Variants in OR8H1 observed in about 807,000 individuals in gnomAD.
OR8H1 encodes the protein olfactory receptor family 8 subfamily H member 1.
For synonymous variants in OR8H1, 135 were observed against 134.5 expected (o/e 1.00, Z -0.03); for missense variants, 388 against 374.1 (o/e 1.04, Z -0.31).
In OR8H1 at chr11:56,290,091, G is replaced by T. The variant is rs753365115; in HGVS notation, c.*36C>A. ...CATACCAAATAGAAAAGAAAGAAAA[G>T]ATGAGTTTAAATGTTCAGCATTCCT... On this transcript the variant is annotated 3_prime_UTR_variant, in exon 2 of 2. Transcript: ENST00000641600. 6.1e-6 allele frequency: 9 copies of T among 1,477,042 alleles called. No homozygotes were observed. The South Asian group carries it at 9.1e-5, about 15-fold the overall frequency. The allele number at this position is 1,477,042 out of a possible 1,614,324, so 91.5% of individuals were successfully genotyped here. A position where few individuals can be genotyped will look rare whatever the true frequency, so the allele number is the denominator to read the frequency against.
chr11:56,291,377 A>T (rs1854150363), intron 1 of OR8H1, among the ~76,000 whole-genome samples: 1 of 152,174 alleles, frequency 6.6e-6, no homozygotes, highest in Admixed American at 6.5e-5. Flanking sequence ...AGATACTACT[A>T]TTATCGACAT....
Position 56,290,709 on chromosome 11 carries a change from G to C in OR8H1, c.354C>G (p.Ala118=). 6.2e-7 allele frequency: 1 copy of C among 1,614,070 alleles called. No homozygotes were observed. The stretch of plus-strand genomic sequence containing the variant: ...TGCAGATAGCTACGTAGCGATCATA[G>C]GCCATTGATGAGAGAAGAAAACATT... ...AAECFLLSSM[A]YDRYVAICSP... The change falls in exon 2 of 2, where the codon GCC becomes GCG. Residue 118 remains alanine (A), a synonymous_variant. Transcript: ENST00000641600.
Position 56,290,015 on chromosome 11 carries a change from A to G in OR8H1, c.*112T>C. ...GTTTAGTCAAGCAAAGGTTAGCACAACAGAAATGCAAACATGAAGGATTCA... is the reference window on the plus strand; with the variant it reads ...GTTTAGTCAAGCAAAGGTTAGCACAGCAGAAATGCAAACATGAAGGATTCA... On this transcript the variant is annotated 3_prime_UTR_variant, in exon 2 of 2. Transcript: ENST00000641600. 1.1e-6 allele frequency: 1 copy of G among 914,260 alleles called. No homozygotes were observed. The highest frequency in any genetic ancestry group is 2.4e-5 in the East Asian group (1 of 41,786). The allele number at this position is 914,260 out of a possible 1,614,324, so 56.6% of individuals were successfully genotyped here.
At position 56,288,743 on chromosome 11, in the gene OR8H1, CAGAA is replaced by C. The variant is rs945484516; in HGVS notation, c.*1380_*1383del. 1.3e-5 allele frequency: 2 copies of C among 151,998 alleles called. No homozygotes were observed. Among genetic ancestry groups the C allele is most frequent in the African/African-American group, 4.8e-5 (2 of 41,406 alleles). 9.4% of individuals were successfully genotyped at this position (151,998 alleles called of 1,614,324 possible). A position where few individuals can be genotyped will look rare whatever the true frequency, so the allele number is the denominator to read the frequency against. On this transcript the variant is annotated 3_prime_UTR_variant, in exon 2 of 2. Coordinates refer to ENST00000641600, the MANE Select transcript of OR8H1 (RefSeq NM_001005199.2). ...ATACAGAAAGCTGAAAATCAGTACA[CAGAA>C]AGTGATATTTAGTTTACATATGTTA...
At position 56,289,229 on chromosome 11, in the gene OR8H1, C is replaced by G. The variant is rs1157909703; in HGVS notation, c.*898G>C. The G allele has an allele frequency of 1.3e-5, 2 of 152,150 alleles. No homozygotes were observed. Among genetic ancestry groups the G allele is most frequent in the African/African-American group, 4.8e-5 (2 of 41,454 alleles). The allele number at this position is 152,150 out of a possible 1,614,324, so 9.4% of individuals were successfully genotyped here. ...ACCTTAAATACTTTACAGCTACTCT[C>G]TGATCAAATTTGGAGTTATTATTTA... is the stretch of plus-strand genomic sequence containing the variant. On this transcript the variant is annotated 3_prime_UTR_variant, in exon 2 of 2. Coordinates refer to ENST00000641600, the MANE Select transcript of OR8H1 (RefSeq NM_001005199.2).
chr11:56,290,558 C>G lies in OR8H1; in HGVS notation c.505G>C (p.Asp169His), dbSNP rs778875412. The G allele has an allele frequency of 7.1e-5, 115 of 1,613,994 alleles. No individual in the cohort carries two copies. The highest frequency in any genetic ancestry group is 3.3e-4 in the Admixed American group (20 of 59,996). ...AAAAAGTGACGAACTACATTTGAGT[C>G]GCAGAAATGCAGTCTGCTCATCCAA... ...VVWMSRLHFC[D>H]SNVVRHFFCD... The change falls in exon 2 of 2, where the codon GAC becomes CAC. Residue 169 changes from aspartate to histidine, a missense_variant. Physicochemically the swap from Asp to His is moderately conservative, Grantham distance 81. Coordinates refer to ENST00000641600, the MANE Select transcript of OR8H1 (RefSeq NM_001005199.2).
rs1854121992 is a variant in OR8H1 at position 56,290,178 on chromosome 11, T to G, written c.885A>C (p.Glu295Asp). The part of the protein sequence containing the change: ...NPLIYSLRNK[E>D]VKNALIRVMQ... ...TGACTCTAATGAGAGCATTTTTAAC[T>G]TCTTTGTTTCTAAGACTATAAATGA... is the stretch of plus-strand genomic sequence containing the variant. Residue 295 changes from glutamate to aspartate, a missense_variant, in exon 2 of 2, where the codon GAA becomes GAC. Transcript: ENST00000641600. The G allele has an allele frequency of 1.2e-6, 2 of 1,608,720 alleles. No individual in the cohort carries two copies. Among genetic ancestry groups the G allele is most frequent in the Non-Finnish European group, 1.7e-6 (2 of 1,178,474 alleles).
rs749122545 is a variant in OR8H1 at position 56,290,466 on chromosome 11, G to A, written c.597C>T (p.His199=). ...CCATCAGGGTGGAACCAGCTAAAAT[G>A]TGTATCATGATTTCAATGTCGTATG... ...MDTYDIEIMI[H]ILAGSTLMVS... is the part of the protein sequence containing the mutation. The change falls in exon 2 of 2, where the codon CAC becomes CAT. Residue 199 remains histidine, a synonymous_variant. Coordinates refer to ENST00000641600, the MANE Select transcript of OR8H1 (RefSeq NM_001005199.2). The A allele has an allele frequency of 5.0e-6, 8 of 1,614,048 alleles. 1 individual carries two copies. Among genetic ancestry groups the A allele is most frequent in the African/African-American group, 1.3e-5 (1 of 74,928 alleles).
rs1450667781 is a variant in OR8H1 at position 56,288,982 on chromosome 11, A to G, written c.*1145T>C. 6.6e-6 allele frequency: 1 copy of G among 152,118 alleles called. No individual in the cohort carries two copies. Among genetic ancestry groups the G allele is most frequent in the Non-Finnish European group, 1.5e-5 (1 of 67,972 alleles). The allele number at this position is 152,118 out of a possible 1,614,324, so 9.4% of individuals were successfully genotyped here. On this transcript the variant is annotated 3_prime_UTR_variant, in exon 2 of 2. Transcript: ENST00000641600. ...TTTTTCAAATTTTCTCTAACAATAT[A>G]TGCTATTTTATTATAACTTAATTTT...
At position 56,291,057 on chromosome 11, in the gene OR8H1, A is replaced by C; in HGVS notation, c.6T>G (p.Gly2=). 3 of 1,581,648 alleles carry C rather than the reference A, an allele frequency of 1.9e-6. No homozygotes were observed. The highest frequency in any genetic ancestry group is 2.6e-6 in the Non-Finnish European group (3 of 1,165,932). Residue 2 remains glycine (G), a synonymous_variant, in exon 2 of 2, where the codon GGT becomes GGG. Coordinates refer to ENST00000641600, the MANE Select transcript of OR8H1 (RefSeq NM_001005199.2). ...CAGGCACATTTGTGTTATTTCTTCT[A>C]CCCATGATGTTCAATTGCTTTAAAC... is the stretch of plus-strand genomic sequence containing the variant. M[G]RRNNTNVPDF...
At position 56,291,009 on chromosome 11, in the gene OR8H1, T is replaced by TGA. The variant is rs1163534112; in HGVS notation, c.52_53dup (p.Asp19GlnfsTer16). 1 of 1,613,308 alleles carries TGA rather than the reference T, an allele frequency of 6.2e-7. No individual in the cohort carries two copies. Among genetic ancestry groups the TGA allele is most frequent in the African/African-American group, 1.3e-5 (1 of 74,878 alleles). ...GGGCCATCTGGACCTCTTCAGAATCTGACAGTCCCGTAAGGATGAAGTCAG... is the reference window on the plus strand; with the variant it reads ...GGGCCATCTGGACCTCTTCAGAATCTGAGACAGTCCCGTAAGGATGAAGTCAG... On this transcript the variant is annotated frameshift_variant, in exon 2 of 2. Transcript: ENST00000641600. LOFTEE classifies it low-confidence loss of function (END_TRUNC).
At position 56,290,419 on chromosome 11, in the gene OR8H1, G is replaced by A; in HGVS notation, c.644C>T (p.Ala215Val). ...TLMVSLITISASYVSILSTIL... is the reference protein window; with the variant it reads ...TLMVSLITISVSYVSILSTIL... Reference sequence around the variant, plus strand: ...GGTAGAGAGAATGGACACATAGGATGCAGATATTGTGATAAGGGACACCAT... The same window carrying A: ...GGTAGAGAGAATGGACACATAGGATACAGATATTGTGATAAGGGACACCAT... The change falls in exon 2 of 2, where the codon GCA (alanine) becomes GTA (valine). Residue 215 changes from alanine to valine, a missense_variant. Transcript: ENST00000641600. The A allele has an allele frequency of 6.2e-7, 1 of 1,614,208 alleles. No homozygotes were observed. The highest frequency in any genetic ancestry group is 8.5e-7 in the Non-Finnish European group (1 of 1,180,024).
At chr11:56,291,320 G>T (rs1854149892) in intron 1 of OR8H1, among the ~76,000 whole-genome samples, 1 of 152,102 alleles carries the variant, frequency 6.6e-6, no homozygotes, top group African/African-American at 2.4e-5. Flanking sequence ...TGTTCTGAAT[G>T]CCTTCCTTTA....
chr11:56,291,767 A>G (rs1489134999), intron 1 of OR8H1, among the ~76,000 whole-genome samples, 184 bp downstream of exon 1: 4 of 152,188 alleles, frequency 2.6e-5, no homozygotes, highest in Non-Finnish European at 5.9e-5. Flanking sequence ...TCCAAAAATT[A>G]TATGATCAAA....
chr11:56,291,189 C>CA, intron 1 of OR8H1, 105 bp from the exon 2 acceptor site: 1 of 679,308 alleles, frequency 1.5e-6, no homozygotes, highest in Non-Finnish European at 2.4e-6. Flanking sequence ...ATTGCTAATA[C>CA]ATTTATAGAA....
Position 56,290,023 on chromosome 11 carries a change from G to A in OR8H1, c.*104C>T, listed in dbSNP as rs769014231. On this transcript the variant is annotated 3_prime_UTR_variant, in exon 2 of 2. Coordinates refer to ENST00000641600, the MANE Select transcript of OR8H1 (RefSeq NM_001005199.2). ...AAGCAAAGGTTAGCACAACAGAAAT[G>A]CAAACATGAAGGATTCAATTGTTTT... is the stretch of plus-strand genomic sequence containing the variant. 1.1e-6 allele frequency: 1 copy of A among 950,866 alleles called. No individual in the cohort carries two copies. Among genetic ancestry groups the A allele is most frequent in the East Asian group, 2.4e-5 (1 of 41,938 alleles). 58.9% of individuals were successfully genotyped at this position (950,866 alleles called of 1,614,324 possible). A position where few individuals can be genotyped will look rare whatever the true frequency, so the allele number is the denominator to read the frequency against.
chr11:56,290,549 C>T lies in OR8H1; in HGVS notation c.514G>A (p.Val172Ile). Residue 172 changes from valine (V) to isoleucine (I), a missense_variant, in exon 2 of 2, where the codon GTA becomes ATA. Physicochemically the swap from Val to Ile is conservative, Grantham distance 29 (BLOSUM62 3). Coordinates refer to ENST00000641600, the MANE Select transcript of OR8H1 (RefSeq NM_001005199.2). Reference protein sequence around the residue: ...MSRLHFCDSNVVRHFFCDTSP... With the variant: ...MSRLHFCDSNIVRHFFCDTSP... The stretch of plus-strand genomic sequence containing the variant: ...GTGTCGCAGAAAAAGTGACGAACTA[C>T]ATTTGAGTCGCAGAAATGCAGTCTG... 6.2e-7 allele frequency: 1 copy of T among 1,614,182 alleles called. No homozygotes were observed. Among genetic ancestry groups the T allele is most frequent in the Non-Finnish European group, 8.5e-7 (1 of 1,180,030 alleles).
chr11:56,290,985 G>C lies in OR8H1; in HGVS notation c.78C>G (p.Ala26=), dbSNP rs763644585. The C allele has an allele frequency of 3.7e-6, 6 of 1,614,008 alleles. No individual in the cohort carries two copies. Among genetic ancestry groups the C allele is most frequent in the Non-Finnish European group, 5.1e-6 (6 of 1,179,964 alleles). Residue 26 remains alanine, a synonymous_variant, in exon 2 of 2, where the codon GCC becomes GCG. Transcript: ENST00000641600. ...GLSDSEEVQM[A]LFILFLLIYL... ...ATATCAGGAGAAATAGTATAAAGAG[G>C]GCCATCTGGACCTCTTCAGAATCTG...
intron 1 of OR8H1, 112 bp from the exon 2 acceptor site, chr11:56,291,196 A>C: frequency 1.5e-6 from 1 of 649,996 alleles, no homozygotes; most frequent in Non-Finnish European, 2.6e-6. Context: ...ATACATTTAT[A>C]GAATGTGACC....
Sources: allele counts gnomAD v4.1 joint callset (sites outside exome capture counted in the v4.1 genomes callset), GRCh38; gene constraint gnomAD v4.1.1; transcripts MANE v1.5; gene names NCBI Gene and HGNC (gene_info 2026-07-23, HGNC 2026-07-21).